TSPAN18: variants seen among roughly 807,000 people sequenced by gnomAD.
TSPAN18 encodes the protein tetraspanin-18.
Under a neutral mutation model 27.3 loss-of-function variants are expected in TSPAN18, and 14 were observed. The observed-to-expected ratio is 0.51, with a 90% CI of 0.34 to 0.80. TSPAN18 has a LOEUF of 0.80. Among genes scored for constraint, TSPAN18 ranks in the 30% least tolerant of loss-of-function variants. TSPAN18 has a pLI of 0.01. For synonymous variants in TSPAN18, 143 were observed against 136.5 expected, an observed-to-expected ratio of 1.05 and a Z score of -0.33; for missense variants, 268 against 323.9, an observed-to-expected ratio of 0.83 and a Z score of 1.32.
Position 44,932,141 on chromosome 11 carries a change from C to T in TSPAN18, c.*2963C>T, listed in dbSNP as rs1350930284. ...CTTAAGGGGCCCGGACAGGATTTCC[C>T]AAACCAGCCGAGGCCCCAGCACCCG... is the stretch of plus-strand genomic sequence containing the variant. On this transcript the variant is annotated 3_prime_UTR_variant, in exon 10 of 10. Transcript: ENST00000520358. 6.6e-6 allele frequency: 1 copy of T among 152,194 alleles called. No individual in the cohort carries two copies. The highest frequency in any genetic ancestry group is 2.4e-5 in the African/African-American group (1 of 41,424). 9.4% of individuals were successfully genotyped at this position (152,194 alleles called of 1,614,324 possible).
chr11:44,728,921 T>C (rs528323458), intron 1 of TSPAN18, among the ~76,000 whole-genome samples: 6 of 152,372 alleles, frequency 3.9e-5, no homozygotes, highest in Admixed American at 1.3e-4. Context: ...TGCCGTGGCC[T>C]CATTGTGGTT....
chr11:44,820,857 C>T (rs1192932017), intron 2 of TSPAN18, among the ~76,000 whole-genome samples: 1 of 152,144 alleles, frequency 6.6e-6, no homozygotes, highest in Non-Finnish European at 1.5e-5. Flanking sequence ...CTCTCTTGCT[C>T]CCTCTCTTGC....
At chr11:44,808,840 C>T (rs1856657194) in intron 2 of TSPAN18, among the ~76,000 whole-genome samples, 1 of 152,152 alleles carries the variant, frequency 6.6e-6, no homozygotes, top group East Asian at 1.9e-4. Flanking sequence ...TGCATTTCCA[C>T]ATGGACTCTT....
At chr11:44,905,518 G>A (rs929134690) in intron 3 of TSPAN18, among the ~76,000 whole-genome samples, 1 of 152,186 alleles carries the variant, frequency 6.6e-6, no homozygotes, top group Non-Finnish European at 1.5e-5. Context: ...CCTCAGAGCC[G>A]TTATGAAGAA....
At chr11:44,775,981 A>G (rs1855797191) in intron 2 of TSPAN18, among the ~76,000 whole-genome samples, 1 of 152,216 alleles carries the variant, frequency 6.6e-6, no homozygotes, top group African/African-American at 2.4e-5. Context: ...CAATCTTTCT[A>G]AAATGTATTA....
At chr11:44,823,430 G>C (rs1012220799) in intron 2 of TSPAN18, among the ~76,000 whole-genome samples, 3 of 152,146 alleles carry the variant, frequency 2.0e-5, no homozygotes, top group African/African-American at 7.2e-5. Context: ...AGTGTGGCTG[G>C]GTCCAGGGCT....
At chr11:44,842,114 G>A (rs369437555) in intron 2 of TSPAN18, among the ~76,000 whole-genome samples, 2 of 152,322 alleles carry the variant, frequency 1.3e-5, no homozygotes, top group East Asian at 3.9e-4. Flanking sequence ...TCAGACTCCA[G>A]CTCTAGTGGT....
rs111713563 is a variant in TSPAN18, at chr11:44,921,502, G to A, written c.615+1503G>A. Among the ~76,000 whole-genome samples, 840 of 152,196 alleles carry A rather than the reference G, an allele frequency of 5.5e-3. 13 individuals carry two copies. Among genetic ancestry groups the A allele is most frequent in the African/African-American group, 0.019 (795 of 41,524 alleles). On this transcript the variant is annotated intron_variant, in intron 8 of 9. Transcript: ENST00000520358. The stretch of plus-strand genomic sequence containing the variant: ...ACCATGTAACCGAGTTCTGGCTAAC[G>A]GGAGGTGAGCAGAGGTGATTTGTGC...
At chr11:44,835,201 C>T (rs759631692) in intron 2 of TSPAN18, among the ~76,000 whole-genome samples, 26 of 152,314 alleles carry the variant, frequency 1.7e-4, no homozygotes, top group Non-Finnish European at 3.4e-4. Context: ...GGAGGGTCCC[C>T]GACAGCACTG....
chr11:44,737,950 C>G (rs1854837583), intron 1 of TSPAN18, among the ~76,000 whole-genome samples: 1 of 152,196 alleles, frequency 6.6e-6, no homozygotes, highest in South Asian at 2.1e-4. Flanking sequence ...AATTTCCCAT[C>G]TGTAGGCTCA....
chr11:44,877,544 C>A (rs1203549686), intron 3 of TSPAN18, among the ~76,000 whole-genome samples: 1 of 152,158 alleles, frequency 6.6e-6, no homozygotes, highest in Non-Finnish European at 1.5e-5. Flanking sequence ...CATGAGGACC[C>A]CCCGCCTCTG....
intron 3 of TSPAN18, among the ~76,000 whole-genome samples, chr11:44,876,901 C>T (rs554223090): frequency 3.2e-4 from 49 of 152,300 alleles, no homozygotes; most frequent in South Asian, 6.2e-4. Context: ...AGAGCCAGGC[C>T]ACAAGTCCCA....
intron 2 of TSPAN18, among the ~76,000 whole-genome samples, chr11:44,848,563 GTC>G: frequency 1.3e-5 from 2 of 152,316 alleles, no homozygotes. Context: ...GAGCTGCAAA[GTC>G]TGCAACATAA....
At chr11:44,741,251 T>A (rs1247055394) in intron 1 of TSPAN18, among the ~76,000 whole-genome samples, 1 of 152,256 alleles carries the variant, frequency 6.6e-6, no homozygotes, top group African/African-American at 2.4e-5. Flanking sequence ...TTCCTCCCTT[T>A]CATTTGATAA....
At position 44,802,609 on chromosome 11, in the gene TSPAN18, G is replaced by GCACACACACA. The variant is rs3222524; in HGVS notation, c.-153+38116_-153+38125dup. On this transcript the variant is annotated intron_variant, in intron 2 of 9. Transcript: ENST00000520358. ...TGGGAGTGGGGGGCTGGGAAGCACTGCACACACACACACACACACACACAC... is the reference window on the plus strand; with the variant it reads ...TGGGAGTGGGGGGCTGGGAAGCACTGCACACACACACACACACACACACACACACACACAC... Among the ~76,000 whole-genome samples, 311 of 142,698 alleles carry GCACACACACA rather than the reference G, an allele frequency of 2.2e-3. 3 individuals carry two copies. The highest frequency in any genetic ancestry group is 7.3e-3 in the African/African-American group (272 of 37,474). 93.6% of individuals were successfully genotyped at this position (142,698 alleles called of 152,430 possible).
At chr11:44,838,230 A>G (rs1381393579) in intron 2 of TSPAN18, among the ~76,000 whole-genome samples, 2 of 152,242 alleles carry the variant, frequency 1.3e-5, no homozygotes, top group African/African-American at 4.8e-5. Flanking sequence ...GGGAGGCCTC[A>G]CAATCATGGC....
intron 2 of TSPAN18, among the ~76,000 whole-genome samples, chr11:44,806,555 C>T (rs932987590): frequency 5.9e-5 from 9 of 152,136 alleles, no homozygotes; most frequent in Admixed American, 2.6e-4. Flanking sequence ...AAACTTTGCC[C>T]CAGAAATATA....
chr11:44,814,135 A>G (rs1328029424), intron 2 of TSPAN18, among the ~76,000 whole-genome samples: 2 of 152,222 alleles, frequency 1.3e-5, no homozygotes, highest in Non-Finnish European at 2.9e-5. Context: ...GAGAACCAGA[A>G]TGGAGGTTCC....
rs113175887 is a variant in TSPAN18 at position 44,917,127 on chromosome 11, G to A, written c.259-845G>A. Among the ~76,000 whole-genome samples the A allele has an allele frequency of 7.2e-3, 1,102 of 152,346 alleles. 21 individuals are homozygous for A. The highest frequency in any genetic ancestry group is 0.025 in the African/African-American group (1,041 of 41,580). On this transcript the variant is annotated intron_variant, in intron 5 of 9. Transcript: ENST00000520358. ...GAGTGACAGCCCCTGTGCTAAGGCC[G>A]TGCGGGCACCTCTGTTAGGCACTGT...
Sources: gnomAD v4.1 joint callset for allele counts (sites outside exome capture counted in the v4.1 genomes callset) on GRCh38, gnomAD v4.1.1 for gene constraint, MANE v1.5 for transcripts, NCBI Gene and HGNC (gene_info 2026-07-23, HGNC 2026-07-21) for gene names.